Variants in ABTB2 observed in about 807,000 individuals in gnomAD.
The protein encoded by ABTB2 is ankyrin repeat and BTB domain containing 2.
In ABTB2, 56 loss-of-function variants were observed where a neutral mutation model predicts 104.1. The observed-to-expected ratio is 0.54, with a 90% CI of 0.43 to 0.67. The LOEUF (loss-of-function observed/expected upper bound fraction) is 0.67, where lower values mean the gene tolerates loss of function less well. Ranked by LOEUF, ABTB2 falls within the 30% of genes least tolerant of loss-of-function variation. The probability of loss-of-function intolerance (pLI) is 0.00; values close to 1 mark genes in which losing one functional copy is unlikely to be tolerated. For missense variants in ABTB2, 1,279 were observed against 1,407.7 expected (o/e 0.91, Z 1.46); for synonymous variants, 606 against 608.2 (o/e 1.00, Z 0.05).
chr11:34,343,593 G>A (rs1855290695), intron 1 of ABTB2, among the ~76,000 whole-genome samples: 1 of 151,994 alleles, frequency 6.6e-6, no homozygotes, highest in African/African-American at 2.4e-5. Context: ...TCCTGTCTCA[G>A]TCTCCCGAGT....
chr11:34,170,015 A>G (rs1026309149), intron 5 of ABTB2, among the ~76,000 whole-genome samples: 1 of 152,112 alleles, frequency 6.6e-6, no homozygotes, highest in Non-Finnish European at 1.5e-5. Flanking sequence ...CTAACTCCCC[A>G]TGCTCTGTGT....
At chr11:34,185,622 A>G (rs541625852) in intron 3 of ABTB2, among the ~76,000 whole-genome samples, 1 of 152,342 alleles carries the variant, frequency 6.6e-6, no homozygotes, top group Non-Finnish European at 1.5e-5. Flanking sequence ...TAGCTAGACA[A>G]AGGTGATTAG....
chr11:34,219,256 G>A (rs1853586374), intron 1 of ABTB2, among the ~76,000 whole-genome samples: 1 of 152,188 alleles, frequency 6.6e-6, no homozygotes, highest in Admixed American at 6.5e-5. Flanking sequence ...AATGGAGCTG[G>A]AAAGTTCTAT....
At chr11:34,328,076 T>G (rs2755171) in intron 1 of ABTB2, among the ~76,000 whole-genome samples, 37,439 of 151,966 alleles carry the variant, frequency 0.25, 4,696 homozygotes, top group South Asian at 0.32. Flanking sequence ...GAATAAAGAT[T>G]TGGTTTGTGC....
intron 1 of ABTB2, among the ~76,000 whole-genome samples, chr11:34,346,358 G>A (rs927709614): frequency 1.3e-5 from 2 of 152,004 alleles, no homozygotes; most frequent in African/African-American, 2.4e-5. Context: ...AAGTCACCTC[G>A]GAGCTGGATC....
chr11:34,271,508 A>G (rs1854313334), intron 1 of ABTB2, among the ~76,000 whole-genome samples: 1 of 152,034 alleles, frequency 6.6e-6, no homozygotes, highest in Non-Finnish European at 1.5e-5. Context: ...GAAGGCCAAG[A>G]TGGGAGGATT....
intron 7 of ABTB2, among the ~76,000 whole-genome samples, chr11:34,166,796 G>A (rs764529384): frequency 3.3e-5 from 5 of 152,222 alleles, no homozygotes; most frequent in Non-Finnish European, 5.9e-5. Flanking sequence ...TTGGCTCGAC[G>A]GGTGAGCCAT....
chr11:34,236,212 T>C (rs868585967), intron 1 of ABTB2, among the ~76,000 whole-genome samples: 1 of 152,124 alleles, frequency 6.6e-6, no homozygotes, highest in African/African-American at 2.4e-5. Flanking sequence ...TAGAGTTTTT[T>C]CCCTGGAAAG....
At chr11:34,213,176 CT>C (rs918184091) in intron 1 of ABTB2, among the ~76,000 whole-genome samples, 5 of 152,194 alleles carry the variant, frequency 3.3e-5, no homozygotes, top group Admixed American at 2.0e-4. Context: ...GGAGGAACTA[CT>C]ATAAAACTCG....
intron 1 of ABTB2, among the ~76,000 whole-genome samples, chr11:34,324,634 G>C (rs1048631287): frequency 1.3e-5 from 2 of 152,200 alleles, no homozygotes; most frequent in African/African-American, 4.8e-5. Flanking sequence ...CAGACCACTG[G>C]ATCAGCCTCC....
intron 1 of ABTB2, among the ~76,000 whole-genome samples, chr11:34,215,469 A>T (rs1461255688): frequency 6.6e-6 from 1 of 152,224 alleles, no homozygotes; most frequent in African/African-American, 2.4e-5. Context: ...TTCATCAGAG[A>T]TTTACTGCAC....
intron 1 of ABTB2, among the ~76,000 whole-genome samples, chr11:34,267,771 T>G (rs971200914): frequency 1.3e-5 from 2 of 148,930 alleles, no homozygotes; most frequent in African/African-American, 2.6e-5. Flanking sequence ...GAGACTTCCC[T>G]TATTAAATTG....
chr11:34,269,193 G>A (rs1854284850), intron 1 of ABTB2, among the ~76,000 whole-genome samples: 1 of 152,176 alleles, frequency 6.6e-6, no homozygotes, highest in African/African-American at 2.4e-5. Flanking sequence ...TGCTAAAAGG[G>A]GGATTGGTTT....
intron 1 of ABTB2, among the ~76,000 whole-genome samples, chr11:34,205,602 C>G (rs973473179): frequency 4.6e-5 from 7 of 150,580 alleles, no homozygotes; most frequent in Non-Finnish European, 8.9e-5. Flanking sequence ...CACCCACAAA[C>G]TTTTTTTTTT....
Position 34,252,974 on chromosome 11 carries a change from C to T in ABTB2, c.884-48284G>A, listed in dbSNP as rs1198103046. Among the ~76,000 whole-genome samples the T allele has an allele frequency of 3.9e-5, 6 of 152,134 alleles. No individual in the cohort carries two copies. The highest frequency in any genetic ancestry group is 7.4e-5 in the Non-Finnish European group (5 of 68,006). ...CAGCTGCCCTTGGTGGAGAAACCTACGTGTGCTAGCCCCTAGGTCCCCTCT... is the reference window on the plus strand; with the variant it reads ...CAGCTGCCCTTGGTGGAGAAACCTATGTGTGCTAGCCCCTAGGTCCCCTCT... On this transcript the variant is annotated intron_variant, in intron 1 of 16. Coordinates refer to ENST00000435224, the MANE Select transcript of ABTB2 (RefSeq NM_145804.3). The surrounding 1 kb of genome is among the most constrained non-coding windows in gnomAD (Gnocchi z 5.5).
At chr11:34,300,917 T>A (rs940227542) in intron 1 of ABTB2, among the ~76,000 whole-genome samples, 1 of 152,178 alleles carries the variant, frequency 6.6e-6, no homozygotes, top group Non-Finnish European at 1.5e-5. Flanking sequence ...TACTTATACA[T>A]CCATCCACCC....
intron 1 of ABTB2, among the ~76,000 whole-genome samples, chr11:34,222,161 A>G (rs1052315087): frequency 1.3e-5 from 2 of 152,170 alleles, no homozygotes; most frequent in Admixed American, 1.3e-4. Flanking sequence ...AAATTTTCTG[A>G]TTGGCAATTG....
chr11:34,309,258 A>T (rs1264292769), intron 1 of ABTB2, among the ~76,000 whole-genome samples: 1 of 152,174 alleles, frequency 6.6e-6, no homozygotes, highest in Non-Finnish European at 1.5e-5. Flanking sequence ...GTTCCCATGC[A>T]TTGGGTGGGC....
chr11:34,216,568 T>C (rs1023103965), intron 1 of ABTB2, among the ~76,000 whole-genome samples: 1 of 151,994 alleles, frequency 6.6e-6, no homozygotes, highest in African/African-American at 2.4e-5. Context: ...CTGGCCAACA[T>C]GGTAAAACCC....
Sources: allele counts gnomAD v4.1 joint callset (sites outside exome capture counted in the v4.1 genomes callset), GRCh38; gene constraint gnomAD v4.1.1; non-coding constraint Gnocchi (gnomAD v3.1); transcripts MANE v1.5; gene names NCBI Gene and HGNC (gene_info 2026-07-23, HGNC 2026-07-21).